The following SLC10A2 variants were observed in gnomAD, a reference collection of about 807,000 sequenced individuals.
SLC10A2 encodes the protein solute carrier family 10 member 2, also known as ileal sodium/bile acid cotransporter.
Under a neutral mutation model 27.1 loss-of-function variants are expected in SLC10A2, and 34 were observed. The ratio of observed to expected loss-of-function variants is 1.26; its 90% CI spans 0.96 to 1.67. The LOEUF is 1.67. SLC10A2 is among the 40% of genes most tolerant of loss of function. The pLI, the probability that SLC10A2 is intolerant of heterozygous loss-of-function variation, is 0.00. For missense variants in SLC10A2, 530 were observed against 444.4 expected (o/e 1.19, Z -1.73); for synonymous variants, 205 against 174.0 (o/e 1.18, Z -1.40).
At chr13:103,059,324 T>A (rs1359353882) in intron 1 of SLC10A2, among the ~76,000 whole-genome samples, 1 of 152,174 alleles carries the variant, frequency 6.6e-6, no homozygotes, top group East Asian at 1.9e-4. Flanking sequence ...TTTCTTGGAA[T>A]CTAATTAAAC....
chr13:103,063,895 TGATAGAGA>T (rs1876199460), intron 1 of SLC10A2, among the ~76,000 whole-genome samples: 1 of 152,184 alleles, frequency 6.6e-6, no homozygotes, highest in Admixed American at 6.6e-5. Context: ...AGAGGATAAA[TGATAGAGA>T]GATGGCTGTG....
At chr13:103,064,877 C>T (rs935443051) in intron 1 of SLC10A2, among the ~76,000 whole-genome samples, 2 of 152,200 alleles carry the variant, frequency 1.3e-5, no homozygotes, top group East Asian at 1.9e-4. Flanking sequence ...TGAAATGAGA[C>T]AGCAGGTTCC....
intron 4 of SLC10A2, 81 bp downstream of exon 4, chr13:103,051,174 TTC>T (rs1272697429): frequency 2.1e-5 from 30 of 1,396,414 alleles, no homozygotes; most frequent in Non-Finnish European, 2.9e-5. Flanking sequence ...CAGTTTGTGG[TTC>T]TGTCTTATGG....
chr13:103,054,744 G>T (rs1190090266), intron 2 of SLC10A2, among the ~76,000 whole-genome samples: 2 of 152,138 alleles, frequency 1.3e-5, no homozygotes, highest in Non-Finnish European at 2.9e-5. Flanking sequence ...GGGTTGACTG[G>T]GAAAGGGACT....
intron 1 of SLC10A2, among the ~76,000 whole-genome samples, chr13:103,061,294 A>AT (rs1876112282): frequency 6.6e-6 from 1 of 151,882 alleles, no homozygotes; most frequent in Non-Finnish European, 1.5e-5. Context: ...TTTGAAGGTA[A>AT]TTTTTTTCTC....
At chr13:103,050,568 T>C (rs1313010864) in intron 4 of SLC10A2, among the ~76,000 whole-genome samples, 1 of 152,218 alleles carries the variant, frequency 6.6e-6, no homozygotes, top group Admixed American at 6.5e-5. Context: ...ACTGCTTTCA[T>C]TAATGTCATT....
At chr13:103,063,701 C>T (rs893262492) in intron 1 of SLC10A2, among the ~76,000 whole-genome samples, 3 of 152,206 alleles carry the variant, frequency 2.0e-5, no homozygotes, top group African/African-American at 7.2e-5. Flanking sequence ...AATTTAACCT[C>T]TTCTCAATGA....
At chr13:103,056,327 C>G (rs1334365084) in intron 2 of SLC10A2, among the ~76,000 whole-genome samples, 4 of 151,930 alleles carry the variant, frequency 2.6e-5, no homozygotes, top group African/African-American at 9.7e-5. Context: ...TTCTCTTTTC[C>G]TATTTTTCTT....
chr13:103,049,197 A>G (rs1195312529), intron 5 of SLC10A2, 92 bp downstream of exon 5: 4 of 1,346,078 alleles, frequency 3.0e-6, no homozygotes, highest in Non-Finnish European at 4.2e-6. Context: ...ACAATTCACC[A>G]CCAGGAACGG....
rs1811460841 is a variant in SLC10A2 at position 103,044,506 on chromosome 13, T to G, written c.*1627A>C. 6.6e-6 allele frequency: 1 copy of G among 152,196 alleles called. No individual in the cohort carries two copies. Among genetic ancestry groups the G allele is most frequent in the Admixed American group, 6.5e-5 (1 of 15,286 alleles). 9.4% of individuals were successfully genotyped at this position (152,196 alleles called of 1,614,324 possible). A position where few individuals can be genotyped will look rare whatever the true frequency, so the allele number is the denominator to read the frequency against. On this transcript the variant is annotated 3_prime_UTR_variant, in exon 6 of 6. Transcript: ENST00000245312. Reference sequence around the variant, plus strand: ...TTAAAATTATTTAGTCCATTTTGTATTTGTCTAATGATGGAAAAATATGAA... The same window carrying G: ...TTAAAATTATTTAGTCCATTTTGTAGTTGTCTAATGATGGAAAAATATGAA...
chr13:103,044,742 A>G lies in SLC10A2; in HGVS notation c.*1391T>C, dbSNP rs199957984. 1.1e-4 allele frequency: 17 copies of G among 152,314 alleles called. No individual in the cohort carries two copies. In the South Asian group the frequency reaches 2.3e-3, roughly 20 times the overall value. 9.4% of individuals were successfully genotyped at this position (152,314 alleles called of 1,614,324 possible). On this transcript the variant is annotated 3_prime_UTR_variant, in exon 6 of 6. Coordinates refer to ENST00000245312, the MANE Select transcript of SLC10A2 (RefSeq NM_000452.3). The stretch of plus-strand genomic sequence containing the variant: ...TTGAAATAGACTCTATGAGGCAGTG[A>G]AAATACCCAATGCAAAATGGAACAA...
chr13:103,052,136 A>G (rs457831), intron 3 of SLC10A2, among the ~76,000 whole-genome samples: 56,337 of 151,858 alleles, frequency 0.37, 11,770 homozygotes, highest in African/African-American at 0.58. Context: ...AAATGGCCAT[A>G]TGCATACAGA....
chr13:103,060,325 G>T (rs1436451254), intron 1 of SLC10A2, among the ~76,000 whole-genome samples: 2 of 151,656 alleles, frequency 1.3e-5, no homozygotes, highest in African/African-American at 4.8e-5. Flanking sequence ...TGAGCCAATG[G>T]TGTCCGGCAC....
At chr13:103,055,595 C>G (rs758335194) in intron 2 of SLC10A2, among the ~76,000 whole-genome samples, 3 of 152,126 alleles carry the variant, frequency 2.0e-5, no homozygotes, top group Non-Finnish European at 4.4e-5. Flanking sequence ...AAAAGGTGAG[C>G]TTGGAGGCCT....
At position 103,045,105 on chromosome 13, in the gene SLC10A2, TAGTTA is replaced by T. The variant is rs3216781; in HGVS notation, c.*1023_*1027del. 0.31 allele frequency: 47,090 copies of T among 151,864 alleles called. 7,632 individuals are homozygous for T. Among genetic ancestry groups the T allele is most frequent in the African/African-American group, 0.42 (17,188 of 41,364 alleles). The allele number at this position is 151,864 out of a possible 1,614,324, so 9.4% of individuals were successfully genotyped here. Reference sequence around the variant, plus strand: ...TTACTCCTGCACATCTAATTGACTCTAGTTAAGCATTTCAACCAGGTTTCTGTTAC... The same window carrying T: ...TTACTCCTGCACATCTAATTGACTCTAGCATTTCAACCAGGTTTCTGTTAC... On this transcript the variant is annotated 3_prime_UTR_variant, in exon 6 of 6. Transcript: ENST00000245312.
chr13:103,059,414 C>T lies in SLC10A2; in HGVS notation c.378-1032G>A, dbSNP rs1015431178. On this transcript the variant is annotated intron_variant, in intron 1 of 5. Transcript: ENST00000245312. ...CCGAATGGGAGAAAATTTTTATTTTCGATTCATGATAAGAAAGTCCTGCAA... is the reference window on the plus strand; with the variant it reads ...CCGAATGGGAGAAAATTTTTATTTTTGATTCATGATAAGAAAGTCCTGCAA... Among the ~76,000 whole-genome samples, 5 of 151,952 alleles carry T rather than the reference C, an allele frequency of 3.3e-5. No individual in the cohort carries two copies. The East Asian group carries it at 5.8e-4, about 18-fold the overall frequency.
intron 4 of SLC10A2, among the ~76,000 whole-genome samples, chr13:103,050,327 C>A (rs147958438): frequency 1.3e-5 from 2 of 152,130 alleles, no homozygotes; most frequent in Admixed American, 1.3e-4. Context: ...TCAAACACTG[C>A]GCTCTTCTTG....
At position 103,045,938 on chromosome 13, in the gene SLC10A2, A is replaced by G; in HGVS notation, c.*195T>C. On this transcript the variant is annotated 3_prime_UTR_variant, in exon 6 of 6. Transcript: ENST00000245312. ...ACATATATAAAACATATACATATAT[A>G]TAGGAAACAATATTTGTCCCATTAA... 1.8e-6 allele frequency: 1 copy of G among 563,176 alleles called. No homozygotes were observed. The highest frequency in any genetic ancestry group is 3.2e-5 in the East Asian group (1 of 31,040). The allele number at this position is 563,176 out of a possible 1,614,324, so 34.9% of individuals were successfully genotyped here. A position where few individuals can be genotyped will look rare whatever the true frequency, so the allele number is the denominator to read the frequency against.
intron 1 of SLC10A2, 144 bp from the exon 2 acceptor site, chr13:103,058,526 G>A: frequency 1.5e-6 from 1 of 675,736 alleles, no homozygotes; most frequent in Non-Finnish European, 2.7e-6. Context: ...TGTGTCATGG[G>A]GGTTTGTTGT....
Sources: gnomAD v4.1 joint callset for allele counts (sites outside exome capture counted in the v4.1 genomes callset) on GRCh38, gnomAD v4.1.1 for gene constraint, MANE v1.5 for transcripts, NCBI Gene and HGNC (gene_info 2026-07-23, HGNC 2026-07-21) for gene names.